The following MPP3 variants were observed in gnomAD, a reference collection of about 807,000 sequenced individuals.
MPP3 encodes the protein MAGUK p55 scaffold protein 3.
Under a neutral mutation model 80.7 loss-of-function variants are expected in MPP3, and 48 were observed. The observed-to-expected ratio is 0.59, with a 90% confidence interval of 0.47 to 0.76. MPP3 has a LOEUF of 0.76. Ranked by LOEUF, MPP3 falls within the 30% of genes least tolerant of loss-of-function variation. MPP3 has a pLI of 0.00. For synonymous variants in MPP3, 311 were observed against 297.6 expected, an observed-to-expected ratio of 1.04 and a Z score of -0.46; for missense variants, 620 against 763.0, an observed-to-expected ratio of 0.81 and a Z score of 2.21.
At chr17:43,819,892 G>A (rs1007940934) in intron 11 of MPP3, among the ~76,000 whole-genome samples, 1 of 151,792 alleles carries the variant, frequency 6.6e-6, no homozygotes, top group Non-Finnish European at 1.5e-5. Context: ...AGGGTGAGAC[G>A]TGGGGAATTT....
intron 9 of MPP3, among the ~76,000 whole-genome samples, 172 bp from the exon 10 acceptor site, chr17:43,824,177 G>A (rs1407096872): frequency 6.6e-6 from 1 of 152,168 alleles, no homozygotes; most frequent in Non-Finnish European, 1.5e-5. Flanking sequence ...ACAAAACTCA[G>A]TAACCAAGTA....
rs373326252 is a variant in MPP3, at chr17:43,829,619, G to T, written c.441+35C>A. 33 of 1,608,976 alleles carry T rather than the reference G, an allele frequency of 2.1e-5. No homozygotes were observed. The African/African-American group carries it at 3.7e-4, about 18-fold the overall frequency. On this transcript the variant is annotated intron_variant, in intron 7 of 19. Transcript: ENST00000398389. ...TGGGTGGGGGTGAGAGGCAGGGGAA[G>T]AGTGGGTTAGAGAGGGGCAGGCAGC...
At position 43,831,554 on chromosome 17, in the gene MPP3, T is replaced by C. The variant is rs2045961063; in HGVS notation, c.144+5A>G. 6.2e-7 allele frequency: 1 copy of C among 1,601,502 alleles called. No individual in the cohort carries two copies. The highest frequency in any genetic ancestry group is 1.3e-5 in the African/African-American group (1 of 74,684). On this transcript the variant is annotated splice_donor_5th_base_variant and intron_variant, in intron 4 of 19. Transcript: ENST00000398389. ...CCTTCCACGCAGGATGACGTGGGAC[T>C]TCACCTTCATTAAGTAACTGAGGCT...
At chr17:43,812,876 T>A (rs1034460264) in intron 16 of MPP3, among the ~76,000 whole-genome samples, 1 of 152,184 alleles carries the variant, frequency 6.6e-6, no homozygotes, top group African/African-American at 2.4e-5. Context: ...GCTGCCAGGA[T>A]GGCCTCCCCA....
intron 19 of MPP3, among the ~76,000 whole-genome samples, chr17:43,803,657 C>A (rs1031623576): frequency 1.3e-5 from 2 of 152,192 alleles, no homozygotes; most frequent in Non-Finnish European, 2.9e-5. Flanking sequence ...AAACCCATGC[C>A]TTTGTGAGGA....
chr17:43,831,172 G>T, intron 5 of MPP3, 72 bp downstream of exon 5: 2 of 1,443,200 alleles, frequency 1.4e-6, no homozygotes, highest in Non-Finnish European at 1.9e-6. Flanking sequence ...CACTAAGCAA[G>T]CGAGGCAAGA....
chr17:43,816,274 C>T (rs2045126826), intron 13 of MPP3, among the ~76,000 whole-genome samples, 195 bp from the exon 14 acceptor site: 1 of 152,218 alleles, frequency 6.6e-6, no homozygotes, highest in Non-Finnish European at 1.5e-5. Flanking sequence ...CATGCTTAGG[C>T]CCCTAACAGC....
At position 43,800,965 on chromosome 17, in the gene MPP3, G is replaced by A. The variant is rs903320333; in HGVS notation, c.*736C>T. The stretch of plus-strand genomic sequence containing the variant: ...CTGGCTAGGACCAAGGCAACTGTCA[G>A]TAACAAAAGGGACAATGGATGGAAT... On this transcript the variant is annotated 3_prime_UTR_variant, in exon 20 of 20. Coordinates refer to ENST00000398389, the MANE Select transcript of MPP3 (RefSeq NM_001932.6). 6.6e-6 allele frequency: 1 copy of A among 152,172 alleles called. No homozygotes were observed. Among genetic ancestry groups the A allele is most frequent in the African/African-American group, 2.4e-5 (1 of 41,422 alleles). 9.4% of individuals were successfully genotyped at this position (152,172 alleles called of 1,614,324 possible). A position where few individuals can be genotyped will look rare whatever the true frequency, so the allele number is the denominator to read the frequency against.
chr17:43,826,818 A>T (rs1272078540), intron 8 of MPP3, among the ~76,000 whole-genome samples: 1 of 128,558 alleles, frequency 7.8e-6, no homozygotes, highest in Admixed American at 7.4e-5. Flanking sequence ...ATGACTATTT[A>T]TATATATATA....
At chr17:43,811,240 T>A in intron 16 of MPP3, 35 bp from the exon 17 acceptor site, 1 of 1,541,318 alleles carries the variant, frequency 6.5e-7, no homozygotes, top group Non-Finnish European at 9.0e-7. Flanking sequence ...GGCAAAGAGA[T>A]GTCACATCAC....
At chr17:43,813,917 A>T in intron 16 of MPP3, 94 bp downstream of exon 16, 1 of 1,080,028 alleles carries the variant, frequency 9.3e-7, no homozygotes, top group Non-Finnish European at 1.3e-6. Context: ...CTTTAAACCC[A>T]AAGTAAGGAT....
In MPP3 at chr17:43,803,042, A is replaced by C. The variant is rs1012820737; in HGVS notation, c.1582-1165T>G. On this transcript the variant is annotated intron_variant, in intron 19 of 19. Coordinates refer to ENST00000398389, the MANE Select transcript of MPP3 (RefSeq NM_001932.6). ...TCCTTTTCTCCTCCAGGAGGGAAAAAATTCGATTAAATTGGGAGACACTTC... is the reference window on the plus strand; with the variant it reads ...TCCTTTTCTCCTCCAGGAGGGAAAACATTCGATTAAATTGGGAGACACTTC... 6.6e-5 allele frequency among the ~76,000 whole-genome samples: 10 copies of C among 152,242 alleles called. No individual in the cohort carries two copies. The East Asian group carries it at 1.9e-3, about 29-fold the overall frequency.
chr17:43,827,491 G>A (rs991820049), intron 8 of MPP3, among the ~76,000 whole-genome samples: 1 of 152,052 alleles, frequency 6.6e-6, no homozygotes, highest in Non-Finnish European at 1.5e-5. Context: ...CTGGCTTCAA[G>A]TGATCCGCCT....
At chr17:43,813,791 A>C (rs193217539) in intron 16 of MPP3, among the ~76,000 whole-genome samples, 25 of 152,286 alleles carry the variant, frequency 1.6e-4, no homozygotes, top group African/African-American at 5.5e-4. Flanking sequence ...GCAGGAACCA[A>C]GCAAGTGGTC....
chr17:43,818,102 C>T lies in MPP3; in HGVS notation c.890G>A (p.Ser297Asn). The T allele has an allele frequency of 6.4e-7, 1 of 1,559,822 alleles. No homozygotes were observed. The highest frequency in any genetic ancestry group is 8.7e-7 in the Non-Finnish European group (1 of 1,150,750). Residue 297 changes from serine (S) to asparagine (N), a missense_variant, in exon 12 of 20, where the codon AGC becomes AAC. Physicochemically the swap from Ser to Asn is conservative, Grantham distance 46. Coordinates refer to ENST00000398389, the MANE Select transcript of MPP3 (RefSeq NM_001932.6). ...PSKGFQERRL[S>N]YRRAAGTLPS... ...CAGGGTGCCCGCGGCTCTCCGGTAG[C>T]TTAGTCGTCTGCAGGGACACAAGGG...
At chr17:43,827,446 G>C (rs984842712) in intron 8 of MPP3, among the ~76,000 whole-genome samples, 3 of 151,720 alleles carry the variant, frequency 2.0e-5, no homozygotes, top group African/African-American at 7.3e-5. Context: ...GTAGAAATGG[G>C]GTTTCGCCAT....
intron 14 of MPP3, 140 bp downstream of exon 14, chr17:43,815,898 G>A (rs1460138813): frequency 5.0e-6 from 4 of 804,256 alleles, no homozygotes; most frequent in South Asian, 3.7e-5. Context: ...TGAGAGAACT[G>A]AGGAGAGATG....
At chr17:43,821,457 C>A (rs11079837) in intron 10 of MPP3, among the ~76,000 whole-genome samples, 6,812 of 152,264 alleles carry the variant, frequency 0.045, 484 homozygotes, top group African/African-American at 0.15. Flanking sequence ...ACTGCGCTGA[C>A]GGAAGGCAGC....
rs761364438 is a variant in MPP3 at position 43,810,776 on chromosome 17, C to T, written c.1458+31G>A. On this transcript the variant is annotated intron_variant, in intron 18 of 19. Transcript: ENST00000398389. ...ATCCCCTAGTTATAAATTCCGTTAACCAGAAATGGCCAGCAGGCCCAGCAA... is the reference window on the plus strand; with the variant it reads ...ATCCCCTAGTTATAAATTCCGTTAATCAGAAATGGCCAGCAGGCCCAGCAA... The T allele has an allele frequency of 8.9e-6, 13 of 1,465,954 alleles. No homozygotes were observed. The East Asian group carries it at 1.4e-4, about 15-fold the overall frequency. 90.8% of individuals were successfully genotyped at this position (1,465,954 alleles called of 1,614,324 possible). A position where few individuals can be genotyped will look rare whatever the true frequency, so the allele number is the denominator to read the frequency against.
Sources: gnomAD v4.1 joint callset for allele counts (sites outside exome capture counted in the v4.1 genomes callset) on GRCh38, gnomAD v4.1.1 for gene constraint, MANE v1.5 for transcripts, NCBI Gene and HGNC (gene_info 2026-07-23, HGNC 2026-07-21) for gene names.